ITGA8: variants seen among roughly 807,000 people sequenced by gnomAD.
The protein encoded by ITGA8 is integrin alpha-8.
Under a neutral mutation model 142.3 loss-of-function variants are expected in ITGA8, and 91 were observed. The observed-to-expected ratio is 0.64, with a 90% CI of 0.54 to 0.76. ITGA8 has a LOEUF of 0.76. Ranked by LOEUF, ITGA8 falls within the 30% of genes least tolerant of loss-of-function variation. ITGA8 has a pLI of 0.00. For synonymous variants in ITGA8, 505 were observed against 485.2 expected (o/e 1.04, Z -0.54); for missense variants, 1,406 against 1,327.7 (o/e 1.06, Z -0.92).
chr10:15,615,658 C>T (rs1026266267), intron 14 of ITGA8, among the ~76,000 whole-genome samples: 3 of 152,080 alleles, frequency 2.0e-5, no homozygotes, highest in Admixed American at 1.3e-4. Context: ...GGATTACAGG[C>T]GTGTACCACC....
At chr10:15,702,184 A>G (rs889745882) in intron 2 of ITGA8, among the ~76,000 whole-genome samples, 2 of 152,140 alleles carry the variant, frequency 1.3e-5, no homozygotes, top group African/African-American at 4.8e-5. Flanking sequence ...GATCTATATC[A>G]CGTATGCATA....
At chr10:15,572,843 C>A (rs374783122) in intron 24 of ITGA8, among the ~76,000 whole-genome samples, 1 of 152,170 alleles carries the variant, frequency 6.6e-6, no homozygotes, top group Non-Finnish European at 1.5e-5. Flanking sequence ...AGTGCCAAGG[C>A]GGGCCCATGA....
intron 26 of ITGA8, among the ~76,000 whole-genome samples, chr10:15,550,394 G>C (rs915861694): frequency 1.3e-5 from 2 of 152,212 alleles, no homozygotes; most frequent in Non-Finnish European, 2.9e-5. Context: ...GGACTCTCAT[G>C]TTGACCTGTG....
chr10:15,527,340 G>A (rs1464528452), intron 28 of ITGA8, among the ~76,000 whole-genome samples: 2 of 152,156 alleles, frequency 1.3e-5, no homozygotes, highest in Non-Finnish European at 2.9e-5. Context: ...GTTTTTAAAT[G>A]AAGATTTTCA....
intron 9 of ITGA8, among the ~76,000 whole-genome samples, chr10:15,660,599 A>G (rs1834266357): frequency 6.6e-6 from 1 of 152,202 alleles, no homozygotes; most frequent in South Asian, 2.1e-4. Flanking sequence ...TTGAGTTTTG[A>G]TCTTTTCCCA....
At chr10:15,679,888 T>C (rs1397356387) in intron 4 of ITGA8, among the ~76,000 whole-genome samples, 1 of 152,232 alleles carries the variant, frequency 6.6e-6, no homozygotes, top group Non-Finnish European at 1.5e-5. Context: ...TAAAAGAGTT[T>C]CTACAACTTC....
At chr10:15,630,335 TATTC>T (rs1231708018) in intron 13 of ITGA8, among the ~76,000 whole-genome samples, 2 of 152,238 alleles carry the variant, frequency 1.3e-5, no homozygotes, top group Admixed American at 6.5e-5. Flanking sequence ...CATTTATTCA[TATTC>T]ATTCATTCAA....
intron 8 of ITGA8, among the ~76,000 whole-genome samples, chr10:15,662,393 T>G (rs1319257139): frequency 7.0e-6 from 1 of 142,534 alleles, no homozygotes; most frequent in East Asian, 2.1e-4. Flanking sequence ...TGGAGTGTAG[T>G]GGCATGATCA....
rs372102591 is a variant in ITGA8 at position 15,719,780 on chromosome 10, G to A, written c.-9C>T. 18,711 of 1,341,826 alleles carry A rather than the reference G, an allele frequency of 0.014. 182 individuals carry two copies. The highest frequency in any genetic ancestry group is 0.015 in the Non-Finnish European group (16,326 of 1,053,766). The allele number at this position is 1,341,826 out of a possible 1,614,324, so 83.1% of individuals were successfully genotyped here. The stretch of plus-strand genomic sequence containing the variant: ...CTGGCCCCGGGCGACATCTCCCTCC[G>A]CCCCGGTGGGTGGCTGCTACCCAGG... On this transcript the variant is annotated 5_prime_UTR_variant, in exon 1 of 30. Coordinates refer to ENST00000378076, the MANE Select transcript of ITGA8 (RefSeq NM_003638.3).
intron 26 of ITGA8, among the ~76,000 whole-genome samples, chr10:15,555,529 TAGG>T (rs1833870880): frequency 6.6e-6 from 1 of 152,122 alleles, no homozygotes; most frequent in Non-Finnish European, 1.5e-5. Context: ...TCAACAAGTC[TAGG>T]AGCCATTCAC....
At position 15,570,627 on chromosome 10, in the gene ITGA8, A is replaced by T. The variant is rs1044191441; in HGVS notation, c.2637+1584T>A. On this transcript the variant is annotated intron_variant, in intron 25 of 29. Coordinates refer to ENST00000378076, the MANE Select transcript of ITGA8 (RefSeq NM_003638.3). ...CTCCATCTCAAAAAAAAAAAAAAAA[A>T]AAAAAAAGAGAATAAGTGGGGAGTA... Among the ~76,000 whole-genome samples the T allele has an allele frequency of 2.5e-3, 382 of 151,432 alleles. 2 individuals carry two copies. The highest frequency in any genetic ancestry group is 8.5e-3 in the African/African-American group (353 of 41,350).
At position 15,684,126 on chromosome 10, in the gene ITGA8, G is replaced by C. The variant is rs756898685; in HGVS notation, c.446C>G (p.Ala149Gly). 1 of 1,604,276 alleles carries C rather than the reference G, an allele frequency of 6.2e-7. No individual in the cohort carries two copies. Among genetic ancestry groups the C allele is most frequent in the South Asian group, 1.1e-5 (1 of 88,484 alleles). ...TVKAHKGKVV[A>G]CAPLYHWRTL... ...TCTCCAGTGATATAAAGGAGCACAG[G>C]CCTAGGAAACATCAAAGACAAAAAA... Residue 149 changes from alanine (A) to glycine (G), a missense_variant and splice_region_variant, in exon 4 of 30, where the codon GCC (alanine) becomes GGC (glycine). Physicochemically the swap from Ala to Gly is moderately conservative, Grantham distance 60. Transcript: ENST00000378076.
At chr10:15,529,810 A>G (rs999140850) in intron 28 of ITGA8, among the ~76,000 whole-genome samples, 1 of 152,226 alleles carries the variant, frequency 6.6e-6, no homozygotes, top group Non-Finnish European at 1.5e-5. Flanking sequence ...CATCCAAAGC[A>G]GTGCTTCTCA....
At chr10:15,532,045 G>T (rs942214953) in intron 27 of ITGA8, among the ~76,000 whole-genome samples, 49 of 135,132 alleles carry the variant, frequency 3.6e-4, no homozygotes, top group African/African-American at 1.4e-3. Context: ...TAGGGTGGGG[G>T]TGGGGGGGCC....
chr10:15,556,971 C>A (rs1476503054), intron 26 of ITGA8, among the ~76,000 whole-genome samples: 5 of 152,164 alleles, frequency 3.3e-5, no homozygotes, highest in African/African-American at 1.2e-4. Flanking sequence ...CACAGATAAA[C>A]CCTGACATTC....
chr10:15,604,712 C>T (rs1010940353), intron 19 of ITGA8, among the ~76,000 whole-genome samples: 3 of 151,410 alleles, frequency 2.0e-5, no homozygotes, highest in Non-Finnish European at 2.9e-5. Context: ...GCAAATTTAA[C>T]ATTTCACTTA....
intron 13 of ITGA8, among the ~76,000 whole-genome samples, chr10:15,637,136 C>T (rs960489994): frequency 2.6e-5 from 4 of 152,204 alleles, no homozygotes; most frequent in African/African-American, 9.7e-5. Context: ...TAGAGTGAGA[C>T]TCTGTCTCTA....
chr10:15,518,521 G>A (rs2131529369), intron 29 of ITGA8, among the ~76,000 whole-genome samples: 1 of 152,304 alleles, frequency 6.6e-6, no homozygotes. Flanking sequence ...GCTGCATATT[G>A]TTTCAAAATA....
At chr10:15,534,328 G>T (rs12414016) in intron 27 of ITGA8, among the ~76,000 whole-genome samples, 1 of 152,010 alleles carries the variant, frequency 6.6e-6, no homozygotes, top group Non-Finnish European at 1.5e-5. Context: ...CATATTTTTT[G>T]GAAGGTTCAC....
Sources: allele counts gnomAD v4.1 joint callset (sites outside exome capture counted in the v4.1 genomes callset), GRCh38; gene constraint gnomAD v4.1.1; transcripts MANE v1.5; gene names NCBI Gene and HGNC (gene_info 2026-07-23, HGNC 2026-07-21).